Variants in ASAP2 observed in about 807,000 individuals in gnomAD.
ASAP2 encodes the protein ArfGAP with SH3 domain, ankyrin repeat and PH domain 2, also known as arf-GAP with SH3 domain, ANK repeat and PH domain-containing protein 2.
ASAP2 carries 45 observed loss-of-function variants against 131.4 expected under a neutral mutation model. The ratio of observed to expected loss-of-function variants is 0.34; its 90% CI spans 0.27 to 0.44. ASAP2 has a LOEUF of 0.44. Ranked by LOEUF, ASAP2 falls within the 20% of genes least tolerant of loss-of-function variation. ASAP2 has a pLI of 1.00. For synonymous variants in ASAP2, 510 were observed against 503.0 expected, an observed-to-expected ratio of 1.01 and a Z score of -0.19; for missense variants, 1,011 against 1,297.0, an observed-to-expected ratio of 0.78 and a Z score of 3.39.
At chr2:9,256,329 G>A (rs1279056136) in intron 1 of ASAP2, among the ~76,000 whole-genome samples, 1 of 152,146 alleles carries the variant, frequency 6.6e-6, no homozygotes, top group Non-Finnish European at 1.5e-5. Context: ...GCACGAGGGT[G>A]TATATGCATG....
At chr2:9,240,245 ATTTTTTT>A (rs34070129) in intron 1 of ASAP2, among the ~76,000 whole-genome samples, 3,123 of 127,082 alleles carry the variant, frequency 0.025, 80 homozygotes, top group Admixed American at 0.097. Flanking sequence ...TCCTCCCATA[ATTTTTTT>A]TTTTTTTTTT....
chr2:9,266,147 C>CTTT (rs3053782), intron 1 of ASAP2, among the ~76,000 whole-genome samples: 27,460 of 133,696 alleles, frequency 0.21, 3,136 homozygotes, highest in Non-Finnish European at 0.23. Context: ...GCCTTTTTAT[C>CTTT]TTTTTTTTTT....
chr2:9,343,457 G>GC (rs1047376791), intron 9 of ASAP2, among the ~76,000 whole-genome samples: 12 of 152,060 alleles, frequency 7.9e-5, no homozygotes, highest in Admixed American at 3.9e-4. Context: ...TTTGGTTTTT[G>GC]TTTTTTTGAG....
At chr2:9,334,969 A>G in intron 8 of ASAP2, 124 bp from the exon 9 acceptor site, 1 of 1,332,806 alleles carries the variant, frequency 7.5e-7, no homozygotes, top group Non-Finnish European at 1.1e-6. Flanking sequence ...GTGGGAGGGA[A>G]GGTTTGACCA....
intron 3 of ASAP2, among the ~76,000 whole-genome samples, chr2:9,310,694 G>A (rs1669239967): frequency 6.6e-6 from 1 of 152,200 alleles, no homozygotes; most frequent in South Asian, 2.1e-4. Context: ...AGAGAACAGA[G>A]AGGGTGACCT....
chr2:9,334,200 T>TG (rs200100248), intron 7 of ASAP2, among the ~76,000 whole-genome samples: 1,704 of 130,734 alleles, frequency 0.013, 36 homozygotes, highest in African/African-American at 0.049. Context: ...TTTTTGTATT[T>TG]GTTTTTTTTT....
chr2:9,388,600 T>G (rs1366921186), intron 22 of ASAP2, 54 bp downstream of exon 22: 6 of 1,562,552 alleles, frequency 3.8e-6, no homozygotes, highest in Non-Finnish European at 5.2e-6. Flanking sequence ...GTTTTGTGGT[T>G]TGGGAAGTTT....
chr2:9,352,230 C>CACAA (rs1672392823), intron 12 of ASAP2, among the ~76,000 whole-genome samples: 1 of 151,354 alleles, frequency 6.6e-6, no homozygotes, highest in Non-Finnish European at 1.5e-5. Context: ...CACACACACA[C>CACAA]ACACACACAC....
rs893632080 is a variant in ASAP2, at chr2:9,297,909, T to TA, written c.345+472dup. ...CTTTTGTGCTCCCAAGTGTAGAACC[T>TA]AAAAAAAAGCAGGACTGAGAGCAAT... On this transcript the variant is annotated intron_variant, in intron 3 of 27. Transcript: ENST00000281419. Among the ~76,000 whole-genome samples, 54 of 150,744 alleles carry TA rather than the reference T, an allele frequency of 3.6e-4. 1 individual carries two copies. Among genetic ancestry groups the TA allele is most frequent in the Admixed American group, 7.2e-4 (11 of 15,238 alleles).
Position 9,299,280 on chromosome 2 carries a change from C to T in ASAP2, c.345+1835C>T, listed in dbSNP as rs181997881. 1.6e-3 allele frequency among the ~76,000 whole-genome samples: 241 copies of T among 152,178 alleles called. 1 individual carries two copies. Among genetic ancestry groups the T allele is most frequent in the South Asian group, 6.6e-3 (32 of 4,816 alleles). ...ATCTTAAAAGCTTCCAGACAGCAGCCGGAGGATTCAGAATCAGAATGGTGG... is the reference window on the plus strand; with the variant it reads ...ATCTTAAAAGCTTCCAGACAGCAGCTGGAGGATTCAGAATCAGAATGGTGG... On this transcript the variant is annotated intron_variant, in intron 3 of 27. Coordinates refer to ENST00000281419, the MANE Select transcript of ASAP2 (RefSeq NM_003887.3).
At chr2:9,357,712 C>T (rs1184803235) in intron 14 of ASAP2, among the ~76,000 whole-genome samples, 1 of 152,148 alleles carries the variant, frequency 6.6e-6, no homozygotes, top group African/African-American at 2.4e-5. Flanking sequence ...TGTACCTCCG[C>T]AAAGCACAAA....
intron 1 of ASAP2, among the ~76,000 whole-genome samples, chr2:9,254,254 T>TATATATATATATATATATATACAC (rs1553297027): frequency 7.5e-4 from 49 of 65,724 alleles, no homozygotes; most frequent in African/African-American, 2.1e-3. Context: ...TATATATATA[T>TATATATATATATATATATATACAC]ACACGTGTGT....
At chr2:9,332,846 A>G (rs1349766210) in intron 7 of ASAP2, among the ~76,000 whole-genome samples, 3 of 152,268 alleles carry the variant, frequency 2.0e-5, no homozygotes, top group African/African-American at 7.2e-5. Flanking sequence ...AGATGAGTTC[A>G]GAAACATATT....
At chr2:9,386,251 G>T (rs756937823) in intron 21 of ASAP2, among the ~76,000 whole-genome samples, 1 of 151,728 alleles carries the variant, frequency 6.6e-6, no homozygotes, top group African/African-American at 2.4e-5. Flanking sequence ...GAAACCTGTT[G>T]GACTGTCTGC....
chr2:9,380,950 C>G, intron 20 of ASAP2, 142 bp downstream of exon 20: 2 of 949,526 alleles, frequency 2.1e-6, no homozygotes, highest in East Asian at 5.0e-5. Flanking sequence ...GAGAATCAGC[C>G]TGCCTTGGAG....
chr2:9,342,288 A>G (rs919212114), intron 9 of ASAP2, among the ~76,000 whole-genome samples: 1 of 152,264 alleles, frequency 6.6e-6, no homozygotes, highest in African/African-American at 2.4e-5. Flanking sequence ...AATAATCAAG[A>G]CAGTGTGGTA....
chr2:9,381,036 G>A (rs1334051771), intron 20 of ASAP2, among the ~76,000 whole-genome samples: 1 of 152,220 alleles, frequency 6.6e-6, no homozygotes, highest in African/African-American at 2.4e-5. Flanking sequence ...GTGAGTCAGT[G>A]TTTGCTGGTT....
intron 2 of ASAP2, among the ~76,000 whole-genome samples, chr2:9,287,397 G>T (rs1407215189): frequency 6.6e-6 from 1 of 152,212 alleles, no homozygotes; most frequent in Non-Finnish European, 1.5e-5. Context: ...TTATTTAGTT[G>T]TAAGAGCAGC....
intron 24 of ASAP2, among the ~76,000 whole-genome samples, chr2:9,397,104 C>T (rs900694266): frequency 1.3e-5 from 2 of 152,238 alleles, no homozygotes; most frequent in African/African-American, 2.4e-5. Flanking sequence ...TTATTTCTGC[C>T]TCTATACCAA....
Sources: gnomAD v4.1 joint callset for allele counts (sites outside exome capture counted in the v4.1 genomes callset) on GRCh38, gnomAD v4.1.1 for gene constraint, MANE v1.5 for transcripts, NCBI Gene and HGNC (gene_info 2026-07-23, HGNC 2026-07-21) for gene names.